The following MND1 variants were observed in gnomAD, a reference collection of about 807,000 sequenced individuals.
MND1 encodes the protein meiotic nuclear divisions 1.
In MND1, 28 loss-of-function variants were observed where a neutral mutation model predicts 35.1. That is an observed-to-expected ratio of 0.80 (90% CI 0.59 to 1.09). MND1 has a LOEUF of 1.09. MND1 is among the 50% of genes least tolerant of loss of function. The pLI, the probability that MND1 is intolerant of heterozygous loss-of-function variation, is 0.00. For synonymous variants in MND1, 69 were observed against 70.5 expected (o/e 0.98, Z 0.11); for missense variants, 213 against 239.6 (o/e 0.89, Z 0.73).
chr4:153,391,216 C>T (rs955792221), intron 4 of MND1, among the ~76,000 whole-genome samples: 2 of 151,628 alleles, frequency 1.3e-5, no homozygotes, highest in Non-Finnish European at 2.9e-5. Context: ...CAGGCTGGAG[C>T]ACAGTGGTGC....
chr4:153,390,907 G>GTA, intron 4 of MND1, among the ~76,000 whole-genome samples: 1 of 137,264 alleles, frequency 7.3e-6, no homozygotes, highest in South Asian at 2.3e-4. Flanking sequence ...GTGTGTGTGT[G>GTA]TGTGTGTGTA....
chr4:153,377,287 T>C (rs1477280469), intron 4 of MND1, among the ~76,000 whole-genome samples: 2 of 152,174 alleles, frequency 1.3e-5, no homozygotes, highest in Non-Finnish European at 2.9e-5. Flanking sequence ...AACTTAAGTA[T>C]TTGTTTTGTT....
rs1728754451 is a variant in MND1 at position 153,383,100 on chromosome 4, C to T, written c.277-11162C>T. ...GTTTTTATAATACATAAAATTAGGACCTTGGCCAGCAAGCCTGAAATTTGT... is the reference window on the plus strand; with the variant it reads ...GTTTTTATAATACATAAAATTAGGATCTTGGCCAGCAAGCCTGAAATTTGT... On this transcript the variant is annotated intron_variant, in intron 4 of 7. Transcript: ENST00000240488. 2.0e-5 allele frequency among the ~76,000 whole-genome samples: 3 copies of T among 152,158 alleles called. No homozygotes were observed. The South Asian group carries it at 6.2e-4, about 32-fold the overall frequency.
At chr4:153,365,966 T>C (rs1773627772) in intron 4 of MND1, among the ~76,000 whole-genome samples, 1 of 100,676 alleles carries the variant, frequency 9.9e-6, no homozygotes, top group Admixed American at 8.8e-5. Flanking sequence ...ATGCAAAAAT[T>C]TATTCTCACA....
At chr4:153,409,777 G>C (rs920463479) in intron 7 of MND1, among the ~76,000 whole-genome samples, 1 of 150,416 alleles carries the variant, frequency 6.6e-6, no homozygotes, top group Non-Finnish European at 1.5e-5. Flanking sequence ...TTTTTTTTCT[G>C]AAATTGCAGT....
intron 4 of MND1, among the ~76,000 whole-genome samples, chr4:153,368,955 C>T (rs1054219220): frequency 2.0e-5 from 3 of 152,176 alleles, no homozygotes; most frequent in Admixed American, 6.5e-5. Flanking sequence ...TCTTGTGACT[C>T]GTGAATCCCA....
Position 153,410,965 on chromosome 4 carries a change from TGA to T in MND1, c.511+1952_511+1953del, listed in dbSNP as rs544642428. On this transcript the variant is annotated intron_variant, in intron 7 of 7. Transcript: ENST00000240488. ...GAGATGGTGCCACTGCACTCCAGCC[TGA>T]GCAAGAGTGAGACACTGTCTCAAGA... Among the ~76,000 whole-genome samples the T allele has an allele frequency of 7.2e-5, 11 of 152,306 alleles. No homozygotes were observed. The South Asian group carries it at 2.3e-3, about 32-fold the overall frequency.
At chr4:153,365,669 A>G (rs1459534708) in intron 4 of MND1, among the ~76,000 whole-genome samples, 2 of 151,940 alleles carry the variant, frequency 1.3e-5, no homozygotes, top group Non-Finnish European at 2.9e-5. Flanking sequence ...GCACAATCAT[A>G]GCTCACTGCA....
intron 7 of MND1, among the ~76,000 whole-genome samples, chr4:153,412,341 G>A (rs981667461): frequency 3.3e-5 from 5 of 152,094 alleles, no homozygotes; most frequent in Non-Finnish European, 5.9e-5. Context: ...AGATAGGGTG[G>A]CTTAAACAAC....
chr4:153,348,588 T>C (rs1350464636), intron 1 of MND1, among the ~76,000 whole-genome samples: 1 of 152,218 alleles, frequency 6.6e-6, no homozygotes, highest in Non-Finnish European at 1.5e-5. Context: ...GCTATTTATT[T>C]ACCCATATTA....
At chr4:153,360,917 G>A (rs1773473861) in intron 4 of MND1, among the ~76,000 whole-genome samples, 1 of 152,040 alleles carries the variant, frequency 6.6e-6, no homozygotes. Context: ...ATGGCTCACT[G>A]CAGCCTCGAC....
At chr4:153,364,566 A>G (rs1773578822) in intron 4 of MND1, among the ~76,000 whole-genome samples, 1 of 152,252 alleles carries the variant, frequency 6.6e-6, no homozygotes, top group East Asian at 1.9e-4. Context: ...ACTTGAAAGC[A>G]GGGTCTTGAA....
chr4:153,352,871 G>A (rs528586838), intron 2 of MND1, among the ~76,000 whole-genome samples: 95 of 152,052 alleles, frequency 6.2e-4, no homozygotes, highest in African/African-American at 2.2e-3. Flanking sequence ...TTAATGCTGG[G>A]GAGTCTAAGA....
chr4:153,377,213 A>G (rs767225119), intron 4 of MND1, among the ~76,000 whole-genome samples: 3 of 152,198 alleles, frequency 2.0e-5, no homozygotes, highest in Non-Finnish European at 4.4e-5. Context: ...TGAAATCCAT[A>G]CTAAGCTGAA....
intron 5 of MND1, among the ~76,000 whole-genome samples, chr4:153,396,979 A>G (rs1163752654): frequency 6.6e-6 from 1 of 152,144 alleles, no homozygotes; most frequent in East Asian, 1.9e-4. Context: ...TCCATTCTAC[A>G]TATTAACTCC....
Position 153,385,775 on chromosome 4 carries a change from A to T in MND1, c.277-8487A>T, listed in dbSNP as rs111782151. On this transcript the variant is annotated intron_variant, in intron 4 of 7. Coordinates refer to ENST00000240488, the MANE Select transcript of MND1 (RefSeq NM_032117.4). The stretch of plus-strand genomic sequence containing the variant: ...GAGCATGCTTCAGACATCATTTAAG[A>T]CTCTGACTCCATTTCTCTGCATTTA... Among the ~76,000 whole-genome samples, 1,180 of 151,486 alleles carry T rather than the reference A, an allele frequency of 7.8e-3. 13 individuals are homozygous for T. The highest frequency in any genetic ancestry group is 0.027 in the African/African-American group (1,101 of 41,244).
chr4:153,394,398 C>A, intron 5 of MND1, 62 bp downstream of exon 5: 1 of 1,335,606 alleles, frequency 7.5e-7, no homozygotes, highest in Non-Finnish European at 1.0e-6. Context: ...GTAAGCGACA[C>A]AGAGCTTCCT....
intron 4 of MND1, among the ~76,000 whole-genome samples, chr4:153,360,703 TTGTG>T (rs1190858792): frequency 2.0e-5 from 3 of 148,338 alleles, no homozygotes; most frequent in Non-Finnish European, 4.5e-5. Flanking sequence ...ATAAATATTT[TTGTG>T]TGTGTGTGAG....
At chr4:153,400,214 C>G (rs781079991) in intron 6 of MND1, among the ~76,000 whole-genome samples, 1 of 151,878 alleles carries the variant, frequency 6.6e-6, no homozygotes, top group Admixed American at 6.6e-5. Flanking sequence ...TGGCCTTTAT[C>G]ATTTTTCATC....
Sources: allele counts gnomAD v4.1 joint callset (sites outside exome capture counted in the v4.1 genomes callset), GRCh38; gene constraint gnomAD v4.1.1; transcripts MANE v1.5; gene names NCBI Gene and HGNC (gene_info 2026-07-23, HGNC 2026-07-21).